The following DOCK9 variants were observed in gnomAD, a reference collection of about 807,000 sequenced individuals.
The protein encoded by DOCK9 is dedicator of cytokinesis protein 9.
Under a neutral mutation model 263.3 loss-of-function variants are expected in DOCK9, and 89 were observed. The ratio of observed to expected loss-of-function variants is 0.34; its 90% CI spans 0.28 to 0.40. The LOEUF is 0.40. Ranked by LOEUF, DOCK9 falls within the 10% of genes least tolerant of loss-of-function variation. The pLI is 1.00. For synonymous variants in DOCK9, 976 were observed against 973.1 expected (o/e 1.00, Z -0.06); for missense variants, 2,140 against 2,603.4 (o/e 0.82, Z 3.87).
intron 1 of DOCK9, among the ~76,000 whole-genome samples, chr13:98,968,672 G>A (rs908169609): frequency 2.6e-5 from 4 of 152,156 alleles, no homozygotes; most frequent in African/African-American, 9.7e-5. Context: ...ATTTCTATTA[G>A]ATAGCACTAT....
chr13:98,859,140 C>G (rs994628346), intron 33 of DOCK9: 1 of 152,218 alleles, frequency 6.6e-6, no homozygotes, highest in Non-Finnish European at 1.5e-5. Flanking sequence ...CCACTGCAGA[C>G]AAAACCCTCT....
chr13:98,860,408 T>G lies in DOCK9; in HGVS notation c.3694A>C (p.Ile1232Leu). 1 of 1,583,314 alleles carries G rather than the reference T, an allele frequency of 6.3e-7. No individual in the cohort carries two copies. The highest frequency in any genetic ancestry group is 8.6e-7 in the Non-Finnish European group (1 of 1,163,332). The change falls in exon 33 of 53, where the codon ATT (isoleucine) becomes CTT (leucine). Residue 1232 changes from isoleucine to leucine, a missense_variant. This residue lies in a region of DOCK9 where 1,521 missense variants were observed against 1,741.7 expected (regional missense o/e 0.87). Coordinates refer to ENST00000682017, the MANE Select transcript of DOCK9 (RefSeq NM_001366683.2). Reference sequence around the variant, plus strand: ...CCACAAGAGCATGGAGCGTTACCAATGCCGGAGATGGCGCCCAGCAGGTCC... The same window carrying G: ...CCACAAGAGCATGGAGCGTTACCAAGGCCGGAGATGGCGCCCAGCAGGTCC... ...HKDLLGAISG[I>L]ASPYTTSTPN...
chr13:98,882,041 C>T (rs774229666), intron 23 of DOCK9, 34 bp from the exon 24 acceptor site: 2 of 1,519,704 alleles, frequency 1.3e-6, no homozygotes, highest in African/African-American at 1.4e-5. Flanking sequence ...TCATGTTATC[C>T]TTCTAAAAGT....
intron 15 of DOCK9, among the ~76,000 whole-genome samples, chr13:98,889,824 A>C (rs937885526): frequency 2.0e-5 from 3 of 152,190 alleles, no homozygotes; most frequent in Non-Finnish European, 4.4e-5. Context: ...CTGGAACTGC[A>C]TACATCTGGC....
intron 27 of DOCK9, among the ~76,000 whole-genome samples, chr13:98,871,032 G>A (rs1173835558): frequency 2.0e-5 from 3 of 152,206 alleles, no homozygotes; most frequent in Non-Finnish European, 4.4e-5. Context: ...ACTATAGGAT[G>A]ACATTTTTGA....
At chr13:98,820,137 A>G (rs1237452780) in intron 45 of DOCK9, among the ~76,000 whole-genome samples, 7 of 152,260 alleles carry the variant, frequency 4.6e-5, no homozygotes, top group Non-Finnish European at 1.5e-5. Context: ...CAACATTTTC[A>G]TTAACCAATC....
chr13:98,802,114 TG>T (rs1432836907), intron 49 of DOCK9, among the ~76,000 whole-genome samples: 3 of 151,824 alleles, frequency 2.0e-5, no homozygotes, highest in Admixed American at 1.3e-4. Flanking sequence ...AGGGGAAGAG[TG>T]GGGCTGCCTT....
rs765461948 is a variant in DOCK9 at position 98,829,352 on chromosome 13, G to C, written c.4920C>G (p.Leu1640=). ...TGACATGGATCCTGGCCATGCTGTC[G>C]AGCCACGTCTTCCTGAGCTCGGGCG... ...ASTPELRKTW[L]DSMARIHVKN... is the part of the protein sequence containing the mutation. Residue 1640 remains leucine (L), a synonymous_variant, in exon 43 of 53, where the codon CTC becomes CTG. Coordinates refer to ENST00000682017, the MANE Select transcript of DOCK9 (RefSeq NM_001366683.2). This position sits in a 1 kb window ranked among gnomAD's most constrained non-coding sequence, Gnocchi z 4.1. 6.2e-7 allele frequency: 1 copy of C among 1,613,402 alleles called. No homozygotes were observed.
At chr13:98,839,297 G>T (rs2093123761) in intron 38 of DOCK9, among the ~76,000 whole-genome samples, 1 of 152,190 alleles carries the variant, frequency 6.6e-6, no homozygotes, top group South Asian at 2.1e-4. Flanking sequence ...AATAAAGGTG[G>T]ATATGTTGGG....
At chr13:98,948,035 C>T (rs1287469746) in intron 2 of DOCK9, among the ~76,000 whole-genome samples, 2 of 152,048 alleles carry the variant, frequency 1.3e-5, no homozygotes, top group African/African-American at 2.4e-5. Flanking sequence ...GACAAAACAT[C>T]GTGAAAAATA....
chr13:98,995,164 C>T (rs1880707197), intron 1 of DOCK9, among the ~76,000 whole-genome samples: 1 of 152,202 alleles, frequency 6.6e-6, no homozygotes, highest in Admixed American at 6.5e-5. Flanking sequence ...AACAAAACAC[C>T]GTTCCCGAGG....
chr13:98,999,402 T>C lies in DOCK9; in HGVS notation c.130-43851A>G, dbSNP rs184835656. Among the ~76,000 whole-genome samples the C allele has an allele frequency of 7.9e-5, 12 of 152,260 alleles. No homozygotes were observed. The East Asian group carries it at 2.3e-3, about 29-fold the overall frequency. ...TTAACAAGAAAAGCAAAAATAGTTTTAAATTGGCTTTTAAAATCTCATTTC... is the reference window on the plus strand; with the variant it reads ...TTAACAAGAAAAGCAAAAATAGTTTCAAATTGGCTTTTAAAATCTCATTTC... On this transcript the variant is annotated intron_variant, in intron 1 of 32. Coordinates refer to the DOCK9 transcript ENST00000427887.
chr13:98,884,482 A>C (rs774051827), intron 21 of DOCK9, among the ~76,000 whole-genome samples: 1 of 152,248 alleles, frequency 6.6e-6, no homozygotes, highest in Non-Finnish European at 1.5e-5. Flanking sequence ...GCAGTCTATA[A>C]AATTTAAGAT....
chr13:98,865,974 G>C (rs1311366875), intron 30 of DOCK9, among the ~76,000 whole-genome samples: 1 of 150,768 alleles, frequency 6.6e-6, no homozygotes, highest in Admixed American at 6.6e-5. Flanking sequence ...AGAATAGGGG[G>C]GTGTGAGACC....
At chr13:99,071,306 C>CCTT (rs1286343497) in intron 1 of DOCK9, among the ~76,000 whole-genome samples, 7 of 49,330 alleles carry the variant, frequency 1.4e-4, no homozygotes, top group South Asian at 9.0e-4. Context: ...CCATGCCTGG[C>CCTT]TTTTTTTTTT....
At chr13:99,015,984 T>C (rs1253340409) in intron 1 of DOCK9, 1 of 176,826 alleles carries the variant, frequency 5.7e-6, no homozygotes, top group Non-Finnish European at 1.1e-5. Context: ...CTTGGGATTG[T>C]TCTGAATCTC....
chr13:98,915,376 T>G lies in DOCK9; in HGVS notation c.845A>C (p.Asn282Thr). The change falls in exon 8 of 53, where the codon AAC becomes ACC. Residue 282 changes from asparagine (N) to threonine (T), a missense_variant. This residue lies in a region of DOCK9 where 1,521 missense variants were observed against 1,741.7 expected (regional missense o/e 0.87). Coordinates refer to ENST00000682017, the MANE Select transcript of DOCK9 (RefSeq NM_001366683.2). ...ITILNKILQLNFEAAMQEKRN... is the reference protein window; with the variant it reads ...ITILNKILQLTFEAAMQEKRN... Reference sequence around the variant, plus strand: ...CTTTTCTTGCATTGCAGCTTCAAAGTTGAGCTGGAGGATCTTATTTAGAAT... The same window carrying G: ...CTTTTCTTGCATTGCAGCTTCAAAGGTGAGCTGGAGGATCTTATTTAGAAT... 3 of 1,613,948 alleles carry G rather than the reference T, an allele frequency of 1.9e-6. No homozygotes were observed. Among genetic ancestry groups the G allele is most frequent in the Admixed American group, 3.3e-5 (2 of 60,018 alleles).
intron 1 of DOCK9, among the ~76,000 whole-genome samples, chr13:99,051,496 A>G (rs182427983): frequency 6.6e-6 from 1 of 152,158 alleles, no homozygotes; most frequent in African/African-American, 2.4e-5. Context: ...TGCAGCTTTC[A>G]TACTAATGAA....
chr13:98,992,440 C>T (rs2031448), intron 1 of DOCK9, among the ~76,000 whole-genome samples: 148,130 of 152,240 alleles, frequency 0.97, 72,178 homozygotes, highest in Non-Finnish European at 1. Flanking sequence ...GTCTACTCAG[C>T]GGGTCTAGAA....
Sources: allele counts gnomAD v4.1 joint callset (sites outside exome capture counted in the v4.1 genomes callset), GRCh38; gene constraint gnomAD v4.1.1; regional missense constraint gnomAD v4.1.1; non-coding constraint Gnocchi (gnomAD v3.1); transcripts MANE v1.5; gene names NCBI Gene and HGNC (gene_info 2026-07-23, HGNC 2026-07-21).